The following RNF157 variants were observed in gnomAD, a reference collection of about 807,000 sequenced individuals.
The protein encoded by RNF157 is E3 ubiquitin ligase RNF157.
In RNF157, 55 loss-of-function variants were observed where a neutral mutation model predicts 88.3. The ratio of observed to expected loss-of-function variants is 0.62; its 90% CI spans 0.50 to 0.78. The LOEUF is 0.78. RNF157 is among the 30% of genes least tolerant of loss of function. The pLI, the probability that RNF157 is intolerant of heterozygous loss-of-function variation, is 0.00. For missense variants in RNF157, 788 were observed against 860.8 expected (o/e 0.92, Z 1.06); for synonymous variants, 334 against 341.2 (o/e 0.98, Z 0.23).
rs544144589 is a variant in RNF157 at position 76,209,809 on chromosome 17, G to T, written c.207+2555C>A. Among the ~76,000 whole-genome samples, 4 of 152,282 alleles carry T rather than the reference G, an allele frequency of 2.6e-5. No individual in the cohort carries two copies. In the South Asian group the frequency reaches 8.3e-4, roughly 32 times the overall value. The stretch of plus-strand genomic sequence containing the variant: ...GAGTCTCACTCTGTCGCCCAGGCTG[G>T]AGTGCAGTGGAATGATCTTGGCTTA... On this transcript the variant is annotated intron_variant, in intron 2 of 18. Coordinates refer to ENST00000269391, the MANE Select transcript of RNF157 (RefSeq NM_052916.3).
Position 76,190,376 on chromosome 17 carries a change from A to G in RNF157, c.208-16586T>C, listed in dbSNP as rs140168371. Among the ~76,000 whole-genome samples, 1,061 of 152,184 alleles carry G rather than the reference A, an allele frequency of 7.0e-3. 9 individuals carry two copies. The highest frequency in any genetic ancestry group is 0.02 in the African/African-American group (838 of 41,514). ...GAGACGGAGTTTCGCCATGTTGGCC[A>G]GGCTGGCCTCAAACCCCTGGCCCCA... On this transcript the variant is annotated intron_variant, in intron 2 of 18. Coordinates refer to ENST00000269391, the MANE Select transcript of RNF157 (RefSeq NM_052916.3).
intron 13 of RNF157, chr17:76,156,568 G>T (rs2068768337): frequency 1.0e-6 from 1 of 979,782 alleles, no homozygotes; most frequent in African/African-American, 1.8e-5. Context: ...AGCATCTGCT[G>T]CGGCCATACA....
intron 2 of RNF157, among the ~76,000 whole-genome samples, chr17:76,186,674 T>TCA (rs2069295760): frequency 6.6e-6 from 1 of 151,910 alleles, no homozygotes; most frequent in Admixed American, 6.6e-5. Context: ...GGGCAGTGGC[T>TCA]CACGCCTGTA....
chr17:76,173,184 G>A (rs1042898813), intron 3 of RNF157, among the ~76,000 whole-genome samples: 1 of 152,052 alleles, frequency 6.6e-6, no homozygotes, highest in Non-Finnish European at 1.5e-5. Flanking sequence ...TACTCGGGAG[G>A]CTGAGGCAGG....
chr17:76,177,528 G>T (rs1272691579), intron 2 of RNF157, among the ~76,000 whole-genome samples: 2 of 151,938 alleles, frequency 1.3e-5, no homozygotes, highest in Non-Finnish European at 2.9e-5. Context: ...GGAAGGGGAA[G>T]GGGGAGAGGC....
intron 17 of RNF157, chr17:76,153,915 T>G: frequency 4.8e-6 from 1 of 209,754 alleles, no homozygotes; most frequent in Non-Finnish European, 9.6e-6. Context: ...CTACTGCTAT[T>G]CAACACTGAG....
rs1431605791 is a variant in RNF157, at chr17:76,145,342, C to A, written c.1933G>T (p.Ala645Ser). The change falls in exon 19 of 19, where the codon GCT becomes TCT. Residue 645 changes from alanine to serine, a missense_variant. Transcript: ENST00000269391. ...SEVCLPGAWQ[A>S]DDNAVSRNAQ... ...TTCCGACTGACGGCATTGTCATCAG[C>A]CTGCCAGGCACCTGGGGAAGAGAAA... is the stretch of plus-strand genomic sequence containing the variant. 4 of 1,612,186 alleles carry A rather than the reference C, an allele frequency of 2.5e-6. No homozygotes were observed. Among genetic ancestry groups the A allele is most frequent in the Non-Finnish European group, 2.5e-6 (3 of 1,179,098 alleles).
At chr17:76,191,578 G>GCTGT (rs2069385965) in intron 2 of RNF157, among the ~76,000 whole-genome samples, 1 of 147,814 alleles carries the variant, frequency 6.8e-6, no homozygotes, top group South Asian at 2.2e-4. Flanking sequence ...TCCAGCCTGG[G>GCTGT]CGACAGAGCA....
At chr17:76,194,819 T>C (rs531564392) in intron 2 of RNF157, among the ~76,000 whole-genome samples, 39 of 152,072 alleles carry the variant, frequency 2.6e-4, no homozygotes, top group East Asian at 1.4e-3. Flanking sequence ...ATCGAGACCA[T>C]CCTGGCTAAC....
intron 1 of RNF157, among the ~76,000 whole-genome samples, chr17:76,228,306 T>A (rs936703512): frequency 2.6e-5 from 4 of 152,144 alleles, no homozygotes; most frequent in Non-Finnish European, 4.4e-5. Context: ...CCCAACCCTG[T>A]ACCCTTCTTC....
chr17:76,147,424 C>T, intron 18 of RNF157: 1 of 791,210 alleles, frequency 1.3e-6, no homozygotes, highest in Non-Finnish European at 1.5e-6. Flanking sequence ...CACCAGCAAG[C>T]CATGGAATGC....
chr17:76,198,441 C>T (rs377143342), intron 2 of RNF157, among the ~76,000 whole-genome samples: 43 of 152,270 alleles, frequency 2.8e-4, no homozygotes, highest in Admixed American at 2.4e-3. Context: ...CAAAAGGCTT[C>T]GTGTCTACTC....
intron 3 of RNF157, among the ~76,000 whole-genome samples, chr17:76,169,268 C>A (rs2068975441): frequency 6.9e-6 from 1 of 145,946 alleles, no homozygotes; most frequent in Non-Finnish European, 1.5e-5. Context: ...TTGAAATTTT[C>A]ATTTCTGCTC....
intron 2 of RNF157, among the ~76,000 whole-genome samples, chr17:76,191,617 A>G (rs1383905835): frequency 2.6e-5 from 4 of 151,508 alleles, no homozygotes; most frequent in Non-Finnish European, 5.9e-5. Flanking sequence ...AAAAAAAAAA[A>G]AAAAACATTA....
chr17:76,204,731 G>A (rs1402431303), intron 2 of RNF157, among the ~76,000 whole-genome samples: 1 of 151,916 alleles, frequency 6.6e-6, no homozygotes, highest in Non-Finnish European at 1.5e-5. Context: ...CTGTACTAGA[G>A]AAAGAAGAAA....
intron 2 of RNF157, among the ~76,000 whole-genome samples, chr17:76,175,311 A>G (rs1273531492): frequency 6.6e-6 from 1 of 152,068 alleles, no homozygotes; most frequent in Non-Finnish European, 1.5e-5. Flanking sequence ...CCTTGTCCCT[A>G]TATTTCTGCA....
At chr17:76,223,435 G>A (rs544005025) in intron 1 of RNF157, among the ~76,000 whole-genome samples, 69 of 149,360 alleles carry the variant, frequency 4.6e-4, no homozygotes, top group African/African-American at 1.5e-3. Flanking sequence ...TGATCCATCC[G>A]CCTCGGCCTC....
At chr17:76,184,978 C>A (rs777328572) in intron 2 of RNF157, among the ~76,000 whole-genome samples, 1 of 152,244 alleles carries the variant, frequency 6.6e-6, no homozygotes, top group African/African-American at 2.4e-5. Flanking sequence ...GCAATTCTCT[C>A]TGTTCACCTT....
chr17:76,200,612 T>C (rs896283346), intron 2 of RNF157, among the ~76,000 whole-genome samples: 1 of 152,122 alleles, frequency 6.6e-6, no homozygotes, highest in African/African-American at 2.4e-5. Context: ...GTTTCAGTTT[T>C]GTGAGATGAA....
Sources: gnomAD v4.1 joint callset for allele counts (sites outside exome capture counted in the v4.1 genomes callset) on GRCh38, gnomAD v4.1.1 for gene constraint, MANE v1.5 for transcripts, NCBI Gene and HGNC (gene_info 2026-07-23, HGNC 2026-07-21) for gene names.